Variants in LINGO2 observed in about 807,000 individuals in gnomAD.
LINGO2 encodes the protein leucine-rich repeat and immunoglobulin-like domain-containing nogo receptor-interacting protein 2.
Under a neutral mutation model 30.6 loss-of-function variants are expected in LINGO2, and 14 were observed. The observed-to-expected ratio is 0.46, with a 90% CI of 0.30 to 0.72. The LOEUF (loss-of-function observed/expected upper bound fraction) is 0.72, where lower values mean the gene tolerates loss of function less well. Among genes scored for constraint, LINGO2 ranks in the 30% least tolerant of loss-of-function variants. The pLI, the probability that LINGO2 is intolerant of heterozygous loss-of-function variation, is 0.07. For synonymous variants in LINGO2, 317 were observed against 288.5 expected (o/e 1.10, Z -1.00); for missense variants, 729 against 751.7 (o/e 0.97, Z 0.35).
At chr9:28,701,269 C>T in the LINGO2 span, among the ~76,000 whole-genome samples, 1 of 151,972 alleles carries the variant, frequency 6.6e-6, no homozygotes, top group Non-Finnish European at 1.5e-5. Flanking sequence ...ATGTTATCTT[C>T]TAGGATTTTT....
the LINGO2 span, among the ~76,000 whole-genome samples, chr9:28,707,878 T>C: frequency 6.7e-4 from 102 of 152,104 alleles, no homozygotes; most frequent in African/African-American, 2.4e-3. Flanking sequence ...GGAAGCCCAA[T>C]TAAAACACAC....
chr9:27,989,871 C>A (rs1485504865), intron 5 of LINGO2, among the ~76,000 whole-genome samples: 1 of 151,918 alleles, frequency 6.6e-6, no homozygotes, highest in East Asian at 1.9e-4. Context: ...TGATTTCAAG[C>A]CTTTTGCTCT....
At chr9:28,653,174 G>A (rs1267296134) in intron 1 of LINGO2, among the ~76,000 whole-genome samples, 1 of 152,136 alleles carries the variant, frequency 6.6e-6, no homozygotes, top group Non-Finnish European at 1.5e-5. Context: ...TAAAACAGAA[G>A]TTGATTTCTC....
chr9:28,590,768 G>A (rs2135704852), intron 1 of LINGO2, among the ~76,000 whole-genome samples: 1 of 152,246 alleles, frequency 6.6e-6, no homozygotes, highest in Admixed American at 6.5e-5. Flanking sequence ...CAGGGATCTA[G>A]AACTAGAAAT....
intron 1 of LINGO2, among the ~76,000 whole-genome samples, chr9:28,484,894 C>A (rs752420964): frequency 2.6e-5 from 4 of 152,040 alleles, no homozygotes; most frequent in Non-Finnish European, 5.9e-5. Flanking sequence ...AATCAATTGT[C>A]TGTTAAGTCT....
chr9:28,598,853 AC>A (rs1230535941), intron 1 of LINGO2: 1 of 151,956 alleles, frequency 6.6e-6, no homozygotes, highest in Non-Finnish European at 1.5e-5. Flanking sequence ...TGGAGGTATA[AC>A]AAAAGCAGCA....
the LINGO2 span, among the ~76,000 whole-genome samples, chr9:29,212,606 A>T: frequency 1.3e-5 from 2 of 151,786 alleles, no homozygotes; most frequent in Non-Finnish European, 1.5e-5. Context: ...AAATTTAAAA[A>T]AAAAACCTCT....
the LINGO2 span, among the ~76,000 whole-genome samples, chr9:28,870,574 TC>T: frequency 6.6e-6 from 1 of 152,082 alleles, no homozygotes; most frequent in Non-Finnish European, 1.5e-5. Context: ...TTATCTGTCT[TC>T]CAATTCTTTG....
chr9:28,509,575 C>T (rs1185352690), intron 1 of LINGO2, among the ~76,000 whole-genome samples: 2 of 152,140 alleles, frequency 1.3e-5, no homozygotes, highest in African/African-American at 4.8e-5. Flanking sequence ...GCTCTAACTC[C>T]CAATGTGACT....
At chr9:28,201,670 G>A (rs907364136) in intron 4 of LINGO2, among the ~76,000 whole-genome samples, 5 of 151,514 alleles carry the variant, frequency 3.3e-5, no homozygotes, top group Admixed American at 3.3e-4. Flanking sequence ...TTCCACAATG[G>A]TTGAACCAGT....
intron 3 of LINGO2, among the ~76,000 whole-genome samples, chr9:28,348,392 G>A (rs900140518): frequency 1.3e-5 from 2 of 152,126 alleles, no homozygotes; most frequent in African/African-American, 2.4e-5. Flanking sequence ...GTGACGGACT[G>A]CACCTGGAAA....
intron 4 of LINGO2, among the ~76,000 whole-genome samples, chr9:28,259,786 G>C (rs578205425): frequency 6.6e-6 from 1 of 151,946 alleles, no homozygotes; most frequent in Admixed American, 6.6e-5. Flanking sequence ...CTAAAGAAAA[G>C]ATTATCTGAA....
chr9:28,689,647 G>GCAATTCTT, the LINGO2 span, among the ~76,000 whole-genome samples: 3,314 of 152,178 alleles, frequency 0.022, 120 homozygotes, highest in African/African-American at 0.075. Flanking sequence ...AGACAGTGTG[G>GCAATTCTT]CAATTCTTCA....
the LINGO2 span, among the ~76,000 whole-genome samples, chr9:28,714,457 C>G: frequency 3.9e-5 from 6 of 151,926 alleles, no homozygotes; most frequent in Non-Finnish European, 7.4e-5. Context: ...CACAGTGTCT[C>G]GTAGATAGCC....
At chr9:28,886,521 C>A in the LINGO2 span, among the ~76,000 whole-genome samples, 2 of 152,048 alleles carry the variant, frequency 1.3e-5, no homozygotes, top group East Asian at 3.9e-4. Context: ...AGAGTCTTAC[C>A]TTCCAGGAAA....
the LINGO2 span, among the ~76,000 whole-genome samples, chr9:28,695,115 T>C: frequency 1.3e-5 from 2 of 152,034 alleles, no homozygotes; most frequent in South Asian, 4.1e-4. Flanking sequence ...AACATTTCAA[T>C]TTGTCATGAT....
At chr9:28,750,570 T>C in the LINGO2 span, among the ~76,000 whole-genome samples, 1 of 152,092 alleles carries the variant, frequency 6.6e-6, no homozygotes, top group Non-Finnish European at 1.5e-5. Context: ...TCATTTTTCC[T>C]ATTGTGTAAT....
intron 1 of LINGO2, among the ~76,000 whole-genome samples, chr9:28,640,756 T>G (rs1219976662): frequency 1.3e-5 from 2 of 152,094 alleles, no homozygotes; most frequent in African/African-American, 4.8e-5. Flanking sequence ...TTTAACTTCT[T>G]TGCCATGGGT....
At chr9:28,709,462 G>C in the LINGO2 span, among the ~76,000 whole-genome samples, 14 of 151,982 alleles carry the variant, frequency 9.2e-5, no homozygotes, top group African/African-American at 3.4e-4. Flanking sequence ...TGTTTACTTT[G>C]GATGTATTTG....
Sources: allele counts gnomAD v4.1 joint callset (sites outside exome capture counted in the v4.1 genomes callset), GRCh38; gene constraint gnomAD v4.1.1; transcripts MANE v1.5; gene names NCBI Gene and HGNC (gene_info 2026-07-23, HGNC 2026-07-21).